Variants in KIF13A observed in about 807,000 individuals in gnomAD.
KIF13A encodes the protein kinesin-like protein KIF13A.
A neutral mutation model predicts 212.2 loss-of-function variants in KIF13A; 79 were observed. That is an observed-to-expected ratio of 0.37 (90% CI 0.31 to 0.45). The LOEUF (loss-of-function observed/expected upper bound fraction) is 0.45. KIF13A is among the 20% of genes least tolerant of loss of function. The probability of loss-of-function intolerance (pLI) is 1.00; values close to 1 mark genes in which losing one functional copy is unlikely to be tolerated. For synonymous variants in KIF13A, 789 were observed against 808.6 expected (o/e 0.98, Z 0.41); for missense variants, 1,901 against 2,209.0 (o/e 0.86, Z 2.79).
Position 17,787,770 on chromosome 6 carries a change from A to G in KIF13A, c.3361+6T>C. On this transcript the variant is annotated splice_donor_region_variant and intron_variant, in intron 27 of 38. Coordinates refer to ENST00000259711, the MANE Select transcript of KIF13A (RefSeq NM_022113.6). This position sits in a 1 kb window ranked among gnomAD's most constrained non-coding sequence, Gnocchi z 4.6. ...ACTCCCCATAAAAGAGTTTGATCTC[A>G]CATACCTGTTTTATTGCTGACTTTT... 1 of 1,572,912 alleles carries G rather than the reference A, an allele frequency of 6.4e-7. No homozygotes were observed. Among genetic ancestry groups the G allele is most frequent in the Non-Finnish European group, 8.8e-7 (1 of 1,142,498 alleles).
intron 2 of KIF13A, among the ~76,000 whole-genome samples, chr6:17,948,871 A>G (rs1777637454): frequency 6.6e-6 from 1 of 152,040 alleles, no homozygotes; most frequent in South Asian, 2.1e-4. Flanking sequence ...TGGCCCAAAC[A>G]TCTTTTTTCC....
chr6:17,891,496 G>T (rs766920086), intron 3 of KIF13A, among the ~76,000 whole-genome samples: 1 of 152,156 alleles, frequency 6.6e-6, no homozygotes, highest in Non-Finnish European at 1.5e-5. Context: ...TAAGAGTTAG[G>T]AACAAAAGAA....
intron 9 of KIF13A, among the ~76,000 whole-genome samples, chr6:17,842,277 C>A (rs1766601012): frequency 6.6e-6 from 1 of 151,914 alleles, no homozygotes; most frequent in Non-Finnish European, 1.5e-5. Flanking sequence ...TCTCGAACAC[C>A]TGGGCTCAAG....
chr6:17,779,183 C>A, intron 32 of KIF13A, 84 bp from the exon 33 acceptor site: 1 of 1,080,462 alleles, frequency 9.3e-7, no homozygotes, highest in South Asian at 1.5e-5. Context: ...TTTTAGAAGT[C>A]TGGAGAATGA....
intron 17 of KIF13A, among the ~76,000 whole-genome samples, chr6:17,812,821 C>A (rs58155051): frequency 3.3e-5 from 5 of 152,122 alleles, no homozygotes; most frequent in Non-Finnish European, 7.3e-5. Flanking sequence ...CCCTTTTCTT[C>A]GCAACTTTGC....
intron 38 of KIF13A, among the ~76,000 whole-genome samples, chr6:17,765,396 G>A (rs1316589706): frequency 6.6e-6 from 1 of 152,198 alleles, no homozygotes; most frequent in Non-Finnish European, 1.5e-5. Flanking sequence ...GAAGCAAAGT[G>A]CAGGCAGTTA....
At chr6:17,960,038 A>G (rs528752064) in intron 2 of KIF13A, among the ~76,000 whole-genome samples, 1 of 151,984 alleles carries the variant, frequency 6.6e-6, no homozygotes, top group East Asian at 1.9e-4. Flanking sequence ...AAAAAAAACA[A>G]CAACAAAAAA....
At chr6:17,763,058 CAAAT>C (rs1758658050), downstream of KIF13A, among the ~76,000 whole-genome samples, 1 of 152,160 alleles carries the variant, frequency 6.6e-6, no homozygotes, top group Non-Finnish European at 1.5e-5. Context: ...GGGGACCAAA[CAAAT>C]GAATGTGAAT....
At chr6:17,932,776 C>T (rs554760015) in intron 2 of KIF13A, among the ~76,000 whole-genome samples, 1 of 147,932 alleles carries the variant, frequency 6.8e-6, no homozygotes, top group African/African-American at 2.5e-5. Flanking sequence ...AGGGTTGAAG[C>T]GAGGAGGAAG....
intron 20 of KIF13A, among the ~76,000 whole-genome samples, chr6:17,801,852 T>C (rs1264991055): frequency 6.6e-6 from 1 of 152,214 alleles, no homozygotes. Flanking sequence ...ATGAGGAATG[T>C]TACTTTAAAA....
At chr6:17,841,688 C>T (rs1006549472) in intron 9 of KIF13A, among the ~76,000 whole-genome samples, 4 of 152,108 alleles carry the variant, frequency 2.6e-5, no homozygotes, top group African/African-American at 9.7e-5. Context: ...AGTATCCACA[C>T]ATTCAAAACA....
Position 17,849,339 on chromosome 6 carries a change from G to A in KIF13A, c.830+38C>T. On this transcript the variant is annotated intron_variant, in intron 9 of 38. Coordinates refer to ENST00000259711, the MANE Select transcript of KIF13A (RefSeq NM_022113.6). This position sits in a 1 kb window ranked among gnomAD's most constrained non-coding sequence, Gnocchi z 5.7. Reference sequence around the variant, plus strand: ...ATAATGCAACAAATCCCCTCCAGAAGGAAATCACCCAGGCTGTTCTGGGAC... The same window carrying A: ...ATAATGCAACAAATCCCCTCCAGAAAGAAATCACCCAGGCTGTTCTGGGAC... The A allele has an allele frequency of 6.9e-7, 1 of 1,450,024 alleles. No homozygotes were observed. Among genetic ancestry groups the A allele is most frequent in the South Asian group, 1.2e-5 (1 of 84,082 alleles). 89.8% of individuals were successfully genotyped at this position (1,450,024 alleles called of 1,614,324 possible).
Position 17,849,972 on chromosome 6 carries a change from G to A in KIF13A, c.717+351C>T, listed in dbSNP as rs146740792. ...TGTCATCACACTTGTTAGGGACTTT[G>A]CACAAGAAATACAATTATTTTTCTT... On this transcript the variant is annotated intron_variant, in intron 8 of 38. Coordinates refer to ENST00000259711, the MANE Select transcript of KIF13A (RefSeq NM_022113.6). The surrounding 1 kb of genome is among the most constrained non-coding windows in gnomAD (Gnocchi z 5.7). 4.4e-4 allele frequency among the ~76,000 whole-genome samples: 67 copies of A among 152,242 alleles called. No homozygotes were observed. Among genetic ancestry groups the A allele is most frequent in the African/African-American group, 1.6e-3 (65 of 41,538 alleles).
rs775635141 is a variant in KIF13A at position 17,849,531 on chromosome 6, A to G, written c.718-42T>C. On this transcript the variant is annotated intron_variant, in intron 8 of 38. Transcript: ENST00000259711. This position sits in a 1 kb window ranked among gnomAD's most constrained non-coding sequence, Gnocchi z 5.7. ...AGAGAGAGAAGAAAAACTTATCAATAAAAACCACATGGATATCTACATATA... is the reference window on the plus strand; with the variant it reads ...AGAGAGAGAAGAAAAACTTATCAATGAAAACCACATGGATATCTACATATA... 8.6e-6 allele frequency: 12 copies of G among 1,400,928 alleles called. No individual in the cohort carries two copies. In the East Asian group the frequency reaches 2.8e-4, roughly 32 times the overall value. 86.8% of individuals were successfully genotyped at this position (1,400,928 alleles called of 1,614,324 possible).
intron 3 of KIF13A, among the ~76,000 whole-genome samples, chr6:17,890,959 C>G (rs186507180): frequency 1.3e-5 from 2 of 151,976 alleles, no homozygotes; most frequent in Non-Finnish European, 2.9e-5. Context: ...CACACCCAGT[C>G]GAATTTCCCT....
At chr6:17,788,737 T>C (rs115601353) in intron 26 of KIF13A, among the ~76,000 whole-genome samples, 4,153 of 152,164 alleles carry the variant, frequency 0.027, 193 homozygotes, top group African/African-American at 0.094. Flanking sequence ...CATTTTTTTT[T>C]CCCCGAAACA....
rs1770045506 is a variant in KIF13A, at chr6:17,871,851, G to A, written c.220+1526C>T. 6.6e-6 allele frequency among the ~76,000 whole-genome samples: 1 copy of A among 152,146 alleles called. No individual in the cohort carries two copies. Among genetic ancestry groups the A allele is most frequent in the Non-Finnish European group, 1.5e-5 (1 of 68,018 alleles). On this transcript the variant is annotated intron_variant, in intron 4 of 38. Transcript: ENST00000259711. The surrounding 1 kb of genome is among the most constrained non-coding windows in gnomAD (Gnocchi z 4.4). ...ATAAATTGAACACGGTTAATGACGG[G>A]TTTGTATAACCATAGCATTTATCCC...
rs375907614 is a variant in KIF13A, at chr6:17,817,237, G to A, written c.1787-4C>T. On this transcript the variant is annotated splice_region_variant and splice_polypyrimidine_tract_variant and intron_variant, in intron 16 of 38. Coordinates refer to ENST00000259711, the MANE Select transcript of KIF13A (RefSeq NM_022113.6). ...TGAACCACATTTTGAACTGGGTCTA[G>A]TGAGCCAAGAGACAAGGCAAGGTGT... The A allele has an allele frequency of 2.5e-5, 41 of 1,613,488 alleles. No homozygotes were observed. The highest frequency in any genetic ancestry group is 1.6e-4 in the Middle Eastern group (1 of 6,082).
chr6:17,898,021 A>T lies in KIF13A; in HGVS notation c.159+147T>A. 1.6e-6 allele frequency: 1 copy of T among 637,348 alleles called. No homozygotes were observed. Among genetic ancestry groups the T allele is most frequent in the Non-Finnish European group, 2.7e-6 (1 of 373,976 alleles). 39.5% of individuals were successfully genotyped at this position (637,348 alleles called of 1,614,324 possible). ...ACACTCTAACTTTATGTTAACACTG[A>T]TATTAATTGTTCATGATGTGAGTTT... On this transcript the variant is annotated intron_variant, in intron 3 of 38. Transcript: ENST00000259711. This position sits in a 1 kb window ranked among gnomAD's most constrained non-coding sequence, Gnocchi z 5.2.
Sources: allele counts gnomAD v4.1 joint callset (sites outside exome capture counted in the v4.1 genomes callset), GRCh38; gene constraint gnomAD v4.1.1; non-coding constraint Gnocchi (gnomAD v3.1); transcripts MANE v1.5; gene names NCBI Gene and HGNC (gene_info 2026-07-23, HGNC 2026-07-21).